SNTG1: variants seen among roughly 807,000 people sequenced by gnomAD.
SNTG1 encodes the protein syntrophin gamma 1.
In SNTG1, 39 loss-of-function variants were observed where a neutral mutation model predicts 74.7. That is an observed-to-expected ratio of 0.52 (90% CI 0.40 to 0.68). SNTG1 has a LOEUF of 0.68. Among genes scored for constraint, SNTG1 ranks in the 30% least tolerant of loss-of-function variants. The probability of loss-of-function intolerance (pLI) is 0.00; values close to 1 mark genes in which losing one functional copy is unlikely to be tolerated. For synonymous variants in SNTG1, 254 were observed against 217.1 expected (o/e 1.17, Z -1.49); for missense variants, 685 against 609.5 (o/e 1.12, Z -1.30).
At chr8:50,585,145 G>C (rs554526750) in intron 12 of SNTG1, among the ~76,000 whole-genome samples, 2 of 152,174 alleles carry the variant, frequency 1.3e-5, no homozygotes, top group African/African-American at 2.4e-5. Flanking sequence ...AAGAAATCAA[G>C]CAGAGATGAA....
At chr8:50,205,186 G>A (rs1023167719) in intron 2 of SNTG1, among the ~76,000 whole-genome samples, 3 of 152,086 alleles carry the variant, frequency 2.0e-5, no homozygotes, top group Non-Finnish European at 2.9e-5. Context: ...AGTCCCAACA[G>A]CAGTGTAAAA....
At chr8:50,414,766 T>C (rs1229486736) in intron 4 of SNTG1, among the ~76,000 whole-genome samples, 1 of 152,048 alleles carries the variant, frequency 6.6e-6, no homozygotes, top group Admixed American at 6.6e-5. Flanking sequence ...TGTGTGGGTG[T>C]GTTTGTGGAA....
intron 2 of SNTG1, among the ~76,000 whole-genome samples, chr8:50,384,836 C>G (rs1373988855): frequency 6.6e-6 from 1 of 152,076 alleles, no homozygotes; most frequent in Non-Finnish European, 1.5e-5. Flanking sequence ...GCCTTAGGGT[C>G]TGCTTGAGCC....
chr8:50,106,213 AG>A (rs1563604032), intron 1 of SNTG1, among the ~76,000 whole-genome samples: 2 of 152,246 alleles, frequency 1.3e-5, no homozygotes, highest in East Asian at 3.9e-4. Flanking sequence ...TGGAAGGAGA[AG>A]GGGAAGTAAG....
intron 2 of SNTG1, among the ~76,000 whole-genome samples, chr8:50,253,759 A>G (rs188102553): frequency 1.3e-5 from 2 of 152,214 alleles, no homozygotes; most frequent in East Asian, 1.9e-4. Context: ...AAATCTTACC[A>G]TTTGCAACAA....
rs552718510 is a variant in SNTG1 at position 50,506,875 on chromosome 8, C to T, written c.466+3995C>T. The stretch of plus-strand genomic sequence containing the variant: ...AATAGAAGACTTGAGAGTGGGCATC[C>T]TTGCCTTATTCTTAATCTTAGAGGG... On this transcript the variant is annotated intron_variant, in intron 9 of 18. Coordinates refer to ENST00000642720, the MANE Select transcript of SNTG1 (RefSeq NM_018967.5). 7.6e-4 allele frequency among the ~76,000 whole-genome samples: 116 copies of T among 152,090 alleles called. 1 individual carries two copies. Among genetic ancestry groups the T allele is most frequent in the Non-Finnish European group, 1.4e-3 (93 of 67,908 alleles).
chr8:50,533,773 A>G (rs559792292), intron 10 of SNTG1, among the ~76,000 whole-genome samples: 2 of 152,322 alleles, frequency 1.3e-5, no homozygotes, highest in South Asian at 4.1e-4. Context: ...TAAGAAAGTG[A>G]CATACTTATA....
intron 2 of SNTG1, among the ~76,000 whole-genome samples, chr8:50,215,499 G>A (rs1180109858): frequency 6.8e-6 from 1 of 146,740 alleles, no homozygotes; most frequent in Non-Finnish European, 1.5e-5. Context: ...ATAGACTATA[G>A]GCATAGATGA....
intron 15 of SNTG1, among the ~76,000 whole-genome samples, chr8:50,660,399 GAGAAAGAAAGAAAAGAAAGAAAGAAAGA>G (rs1196808799): frequency 1.8e-3 from 51 of 28,138 alleles, no homozygotes; most frequent in East Asian, 0.016. Flanking sequence ...GGAAGAAAAA[GAGAAAGAAAGAAAAGAAAGAAAGAAAGA>G]AGAAAGAAAG....
At chr8:50,749,956 A>G (rs182616420) in intron 17 of SNTG1, among the ~76,000 whole-genome samples, 1 of 152,046 alleles carries the variant, frequency 6.6e-6, no homozygotes, top group Non-Finnish European at 1.5e-5. Flanking sequence ...CTTATTATTT[A>G]AGAAATGCAC....
intron 1 of SNTG1, among the ~76,000 whole-genome samples, chr8:49,972,917 G>C (rs957531412): frequency 1.3e-5 from 2 of 151,776 alleles, no homozygotes; most frequent in African/African-American, 2.4e-5. Flanking sequence ...CTGTTGGTGG[G>C]ACTGTAAACT....
At chr8:50,621,337 A>G (rs1019468996) in intron 13 of SNTG1, among the ~76,000 whole-genome samples, 2 of 152,170 alleles carry the variant, frequency 1.3e-5, no homozygotes, top group African/African-American at 4.8e-5. Flanking sequence ...ATACGGCCTT[A>G]CAAGCACAAA....
At chr8:49,927,504 A>G (rs1224931233) in intron 1 of SNTG1, among the ~76,000 whole-genome samples, 3 of 152,214 alleles carry the variant, frequency 2.0e-5, no homozygotes, top group Non-Finnish European at 4.4e-5. Context: ...TAAGAAGTTG[A>G]GAATATATTT....
chr8:50,500,171 C>T (rs1468322798), intron 8 of SNTG1, among the ~76,000 whole-genome samples: 1 of 151,096 alleles, frequency 6.6e-6, no homozygotes, highest in Non-Finnish European at 1.5e-5. Flanking sequence ...CTCCTCTCCT[C>T]TATGACTCAT....
intron 15 of SNTG1, among the ~76,000 whole-genome samples, chr8:50,664,134 A>G (rs1467932705): frequency 2.0e-5 from 3 of 152,196 alleles, no homozygotes; most frequent in East Asian, 1.9e-4. Context: ...GTTAGAGAAA[A>G]GAGAAAAACA....
chr8:50,417,235 G>A (rs967989788), intron 4 of SNTG1, among the ~76,000 whole-genome samples: 1 of 152,066 alleles, frequency 6.6e-6, no homozygotes, highest in Non-Finnish European at 1.5e-5. Flanking sequence ...GCGATAAGGA[G>A]CATATGCAGA....
chr8:50,418,138 A>G (rs2093036879), intron 4 of SNTG1, among the ~76,000 whole-genome samples: 1 of 152,148 alleles, frequency 6.6e-6, no homozygotes, highest in Non-Finnish European at 1.5e-5. Flanking sequence ...CCTCTTCCAG[A>G]GCAAAGCCAT....
chr8:50,061,844 T>G (rs866756909), intron 1 of SNTG1, among the ~76,000 whole-genome samples: 1 of 152,178 alleles, frequency 6.6e-6, no homozygotes, highest in Non-Finnish European at 1.5e-5. Context: ...TTCAATTCTT[T>G]CAAATTTGTT....
At chr8:50,035,634 C>T (rs1299695904) in intron 1 of SNTG1, among the ~76,000 whole-genome samples, 1 of 152,180 alleles carries the variant, frequency 6.6e-6, no homozygotes, top group Admixed American at 6.5e-5. Context: ...ATCCAACTTT[C>T]AATCCCATTT....
Sources: gnomAD v4.1 joint callset for allele counts (sites outside exome capture counted in the v4.1 genomes callset) on GRCh38, gnomAD v4.1.1 for gene constraint, MANE v1.5 for transcripts, NCBI Gene and HGNC (gene_info 2026-07-23, HGNC 2026-07-21) for gene names.